Variants in ANK3 observed in about 807,000 individuals in gnomAD.
ANK3 encodes ankyrin-3.
A neutral mutation model predicts 370.9 loss-of-function variants in ANK3; 57 were observed. The observed-to-expected ratio is 0.15, with a 90% CI of 0.12 to 0.19. The LOEUF (loss-of-function observed/expected upper bound fraction) is 0.19. Among genes scored for constraint, ANK3 ranks in the 10% least tolerant of loss-of-function variants. The pLI, the probability that ANK3 is intolerant of heterozygous loss-of-function variation, is 1.00. For missense variants in ANK3, 4,439 were observed against 5,302.1 expected (o/e 0.84, Z 5.06); for synonymous variants, 1,929 against 1,946.3 (o/e 0.99, Z 0.23).
At chr10:60,606,909 T>C (rs2078135877) in intron 2 of ANK3, among the ~76,000 whole-genome samples, 1 of 152,100 alleles carries the variant, frequency 6.6e-6, no homozygotes, top group South Asian at 2.1e-4. Context: ...GCTCCCCAGA[T>C]CCGGCAGGAA....
intron 2 of ANK3, among the ~76,000 whole-genome samples, chr10:60,498,957 G>A (rs975917029): frequency 1.3e-5 from 2 of 152,142 alleles, no homozygotes; most frequent in African/African-American, 4.8e-5. Flanking sequence ...GTCACATCAA[G>A]CAATTAATTA....
chr10:60,103,527 T>C (rs2091676344), intron 28 of ANK3, among the ~76,000 whole-genome samples: 1 of 152,006 alleles, frequency 6.6e-6, no homozygotes, highest in Non-Finnish European at 1.5e-5. Flanking sequence ...GAGAGGAAAG[T>C]TCTGGTAAGA....
intron 2 of ANK3, among the ~76,000 whole-genome samples, chr10:60,397,838 T>C (rs1482106930): frequency 1.3e-5 from 2 of 152,220 alleles, no homozygotes; most frequent in Admixed American, 6.5e-5. Context: ...GTTTTGGAGA[T>C]AAAGGTGATG....
At chr10:60,701,138 T>C (rs1258593044) in intron 1 of ANK3, among the ~76,000 whole-genome samples, 2 of 151,722 alleles carry the variant, frequency 1.3e-5, no homozygotes, top group Non-Finnish European at 2.9e-5. Context: ...CTTACTTATA[T>C]GAAAAAAAGG....
intron 40 of ANK3, 199 bp downstream of exon 40, chr10:60,062,912 T>C (rs2080885000): frequency 2.2e-6 from 1 of 446,414 alleles, no homozygotes. Flanking sequence ...TTATATTGTA[T>C]ATTTATATTG....
At chr10:60,135,954 A>AAT (rs2094323706) in intron 24 of ANK3, among the ~76,000 whole-genome samples, 2 of 151,750 alleles carry the variant, frequency 1.3e-5, no homozygotes, top group Admixed American at 1.3e-4. Context: ...GTCATTATTT[A>AAT]ATGTATTCAG....
chr10:60,046,989 A>C (rs1468837348), intron 42 of ANK3, among the ~76,000 whole-genome samples: 1 of 151,978 alleles, frequency 6.6e-6, no homozygotes, highest in East Asian at 1.9e-4. Flanking sequence ...TGTATTTTTT[A>C]GGAGAGACGG....
At chr10:60,698,507 G>C (rs2079496945) in intron 1 of ANK3, among the ~76,000 whole-genome samples, 1 of 149,712 alleles carries the variant, frequency 6.7e-6, no homozygotes, top group Non-Finnish European at 1.5e-5. Context: ...CAACCCAAAT[G>C]TCCAACAATG....
At chr10:60,719,960 A>T (rs1394084058) in intron 1 of ANK3, among the ~76,000 whole-genome samples, 2 of 152,198 alleles carry the variant, frequency 1.3e-5, no homozygotes, top group Non-Finnish European at 2.9e-5. Flanking sequence ...GATTAGCTTC[A>T]TTTTAACATC....
intron 2 of ANK3, among the ~76,000 whole-genome samples, chr10:60,516,235 G>A (rs1455213939): frequency 1.3e-5 from 2 of 152,098 alleles, no homozygotes; most frequent in Non-Finnish European, 2.9e-5. Context: ...GTCATAAAAT[G>A]TTTATAACAG....
chr10:60,202,518 G>A (rs2096698811), intron 12 of ANK3, among the ~76,000 whole-genome samples: 1 of 152,222 alleles, frequency 6.6e-6, no homozygotes, highest in Non-Finnish European at 1.5e-5. Flanking sequence ...GCCAACTAGA[G>A]ACCGAGTGTA....
chr10:60,183,858 C>CAA (rs35653342), intron 17 of ANK3, among the ~76,000 whole-genome samples: 6 of 110,272 alleles, frequency 5.4e-5, no homozygotes, highest in African/African-American at 1.5e-4. Flanking sequence ...AATTCTGTCT[C>CAA]AAAAAAAAAA....
chr10:60,269,602 G>A (rs896536997), intron 5 of ANK3, among the ~76,000 whole-genome samples: 4 of 151,500 alleles, frequency 2.6e-5, no homozygotes, highest in African/African-American at 7.3e-5. Flanking sequence ...CTGAGATTAC[G>A]CCTTTGCACT....
At position 60,547,839 on chromosome 10, in the gene ANK3, C is replaced by T. The variant is rs72822810; in HGVS notation, c.96+67347G>A. On this transcript the variant is annotated intron_variant, in intron 2 of 43. Coordinates refer to the ANK3 transcript ENST00000373827. ...TCAAACTCTTCAAAGTAGTATGAAA[C>T]CCTGTTTTACAAACTGATCTGCAAG... Among the ~76,000 whole-genome samples the T allele has an allele frequency of 5.7e-3, 864 of 152,208 alleles. 4 individuals are homozygous for T. Among genetic ancestry groups the T allele is most frequent in the Middle Eastern group, 0.01 (3 of 294 alleles).
At position 60,415,683 on chromosome 10, in the gene ANK3, A is replaced by AT. The variant is rs564067275; in HGVS notation, c.97-136045dup. Among the ~76,000 whole-genome samples the AT allele has an allele frequency of 1.6e-3, 251 of 152,278 alleles. 1 individual carries two copies. Among genetic ancestry groups the AT allele is most frequent in the African/African-American group, 5.7e-3 (238 of 41,552 alleles). ...ACCTGTTAATTTCCTAAATGAAAGT[A>AT]TTTTTTGTGACCAAAAGTGGCCAGA... On this transcript the variant is annotated intron_variant, in intron 2 of 43. Coordinates refer to the ANK3 transcript ENST00000373827.
intron 23 of ANK3, among the ~76,000 whole-genome samples, chr10:60,151,996 A>G (rs961408744): frequency 1.4e-5 from 2 of 147,542 alleles, no homozygotes; most frequent in Non-Finnish European, 3.1e-5. Flanking sequence ...ACATAGAAAG[A>G]TTCAATCATG....
At chr10:60,534,451 T>C (rs888699998) in intron 2 of ANK3, among the ~76,000 whole-genome samples, 4 of 152,196 alleles carry the variant, frequency 2.6e-5, no homozygotes, top group African/African-American at 7.2e-5. Context: ...GATAAATGGG[T>C]GTTCTAAATT....
intron 1 of ANK3, among the ~76,000 whole-genome samples, chr10:60,639,442 A>C (rs1415944987): frequency 6.6e-6 from 1 of 151,364 alleles, no homozygotes; most frequent in Non-Finnish European, 1.5e-5. Context: ...AAGTAATTTT[A>C]AAAATATTTT....
chr10:60,600,661 T>TA lies in ANK3; in HGVS notation c.96+14524dup. On this transcript the variant is annotated intron_variant, in intron 2 of 43. Transcript: ENST00000373827. ...TGGTGAGAACATAGCAGAAGCTCAA[T>TA]AAATAATCTGCTAATTGAATAAAGA... Among the ~76,000 whole-genome samples the TA allele has an allele frequency of 2.0e-5, 3 of 152,322 alleles. No individual in the cohort carries two copies. The South Asian group carries it at 6.2e-4, about 32-fold the overall frequency.
Sources: allele counts gnomAD v4.1 joint callset (sites outside exome capture counted in the v4.1 genomes callset), GRCh38; gene constraint gnomAD v4.1.1; transcripts MANE v1.5; gene names NCBI Gene and HGNC (gene_info 2026-07-23, HGNC 2026-07-21).